LHFPL6: variants seen among roughly 807,000 people sequenced by gnomAD.
The protein encoded by LHFPL6 is LHFPL tetraspan subfamily member 6.
LHFPL6 carries 9 observed loss-of-function variants against 20.6 expected under a neutral mutation model. The ratio of observed to expected loss-of-function variants is 0.44; its 90% CI spans 0.26 to 0.76. The LOEUF (loss-of-function observed/expected upper bound fraction) is 0.76, where lower values mean the gene tolerates loss of function less well. Among genes scored for constraint, LHFPL6 ranks in the 30% least tolerant of loss-of-function variants. The pLI, the probability that LHFPL6 is intolerant of heterozygous loss-of-function variation, is 0.20. For synonymous variants in LHFPL6, 105 were observed against 98.7 expected, an observed-to-expected ratio of 1.06 and a Z score of -0.38; for missense variants, 218 against 253.5, an observed-to-expected ratio of 0.86 and a Z score of 0.95.
chr13:39,419,620 T>C (rs1014290263), intron 2 of LHFPL6, among the ~76,000 whole-genome samples: 7 of 152,258 alleles, frequency 4.6e-5, no homozygotes, highest in African/African-American at 1.4e-4. Context: ...TTTAAGTTCA[T>C]GATTCTTTCT....
chr13:39,540,106 T>C (rs1870750080), intron 2 of LHFPL6, among the ~76,000 whole-genome samples: 1 of 152,136 alleles, frequency 6.6e-6, no homozygotes, highest in South Asian at 2.1e-4. Context: ...AGCCTATAAA[T>C]TCTTTGGAAC....
At chr13:39,418,824 T>G (rs1323936) in intron 2 of LHFPL6, among the ~76,000 whole-genome samples, 98,161 of 151,986 alleles carry the variant, frequency 0.65, 34,252 homozygotes, top group Non-Finnish European at 0.78. Flanking sequence ...ATGAAATTTC[T>G]GCTGTGACCA....
At chr13:39,500,445 G>A (rs1869254002) in intron 2 of LHFPL6, among the ~76,000 whole-genome samples, 1 of 151,964 alleles carries the variant, frequency 6.6e-6, no homozygotes, top group Non-Finnish European at 1.5e-5. Context: ...TAGAGATGAG[G>A]TCTCTCTATG....
At chr13:39,456,121 G>A (rs565437659) in intron 2 of LHFPL6, among the ~76,000 whole-genome samples, 1 of 152,318 alleles carries the variant, frequency 6.6e-6, no homozygotes, top group South Asian at 2.1e-4. Flanking sequence ...AACTTATTTG[G>A]ACTCACATCT....
intron 2 of LHFPL6, among the ~76,000 whole-genome samples, chr13:39,391,366 G>A (rs1454682979): frequency 1.2e-4 from 19 of 152,166 alleles, no homozygotes; most frequent in South Asian, 4.1e-4. Flanking sequence ...CCCCTTTGGC[G>A]TTGTGATCAT....
intron 2 of LHFPL6, among the ~76,000 whole-genome samples, chr13:39,556,375 C>T (rs1178575352): frequency 6.6e-6 from 1 of 152,032 alleles, no homozygotes; most frequent in African/African-American, 2.4e-5. Context: ...GTGACCAAAA[C>T]GCTGATAGAA....
chr13:39,587,752 A>G (rs767534743), intron 2 of LHFPL6, among the ~76,000 whole-genome samples: 1 of 152,068 alleles, frequency 6.6e-6, no homozygotes, highest in Non-Finnish European at 1.5e-5. Context: ...GCATCAACAG[A>G]AAACTATTGC....
chr13:39,562,567 C>CATATATAT (rs1566142155), intron 2 of LHFPL6, among the ~76,000 whole-genome samples: 4 of 96,672 alleles, frequency 4.1e-5, no homozygotes, highest in Non-Finnish European at 9.5e-5. Context: ...CATACATATA[C>CATATATAT]ACATACATAT....
intron 2 of LHFPL6, among the ~76,000 whole-genome samples, chr13:39,543,113 T>C (rs1870865041): frequency 6.6e-6 from 1 of 152,228 alleles, no homozygotes; most frequent in Non-Finnish European, 1.5e-5. Flanking sequence ...AACCATATGA[T>C]ATTTGTCCTT....
At chr13:39,441,800 A>G (rs1391606971) in intron 2 of LHFPL6, among the ~76,000 whole-genome samples, 3 of 149,564 alleles carry the variant, frequency 2.0e-5, no homozygotes, top group Non-Finnish European at 4.4e-5. Flanking sequence ...GCTGTAAGCC[A>G]CTACACTGCA....
intron 2 of LHFPL6, among the ~76,000 whole-genome samples, chr13:39,472,919 T>C (rs1463243308): frequency 6.6e-6 from 1 of 152,164 alleles, no homozygotes; most frequent in African/African-American, 2.4e-5. Context: ...CCCCCTTCTT[T>C]ATTAACAACA....
At position 39,343,663 on chromosome 13, in the gene LHFPL6, A is replaced by C. The variant is rs1869310943; in HGVS notation, c.*273T>G. ...TGTGTGTGTGTGTTGTACATTAACA[A>C]TACTCTGTGGAATAGAAACACCCGA... On this transcript the variant is annotated 3_prime_UTR_variant, in exon 4 of 4. Coordinates refer to ENST00000379589, the MANE Select transcript of LHFPL6 (RefSeq NM_005780.3). 2.8e-6 allele frequency: 1 copy of C among 360,176 alleles called. No individual in the cohort carries two copies. Among genetic ancestry groups the C allele is most frequent in the African/African-American group, 2.1e-5 (1 of 47,894 alleles). The allele number at this position is 360,176 out of a possible 1,614,324, so 22.3% of individuals were successfully genotyped here. A position where few individuals can be genotyped will look rare whatever the true frequency, so the allele number is the denominator to read the frequency against.
At chr13:39,500,909 C>T (rs1432301876) in intron 2 of LHFPL6, among the ~76,000 whole-genome samples, 3 of 152,130 alleles carry the variant, frequency 2.0e-5, no homozygotes, top group African/African-American at 7.2e-5. Context: ...GCATGAGAAT[C>T]ACCTGGAAAA....
chr13:39,509,967 T>A (rs1376105885), intron 2 of LHFPL6, among the ~76,000 whole-genome samples: 1 of 152,078 alleles, frequency 6.6e-6, no homozygotes, highest in Non-Finnish European at 1.5e-5. Flanking sequence ...ATACTACAAC[T>A]GGCATGAACC....
chr13:39,477,715 A>T (rs1873119135), intron 2 of LHFPL6, among the ~76,000 whole-genome samples: 1 of 152,210 alleles, frequency 6.6e-6, no homozygotes, highest in African/African-American at 2.4e-5. Flanking sequence ...TTGCCAGTGA[A>T]TAACCTGTAT....
chr13:39,384,787 A>G, intron 2 of LHFPL6, among the ~76,000 whole-genome samples: 1 of 152,194 alleles, frequency 6.6e-6, no homozygotes, highest in South Asian at 2.1e-4. Flanking sequence ...TAGATTTCTA[A>G]ACCCTGTGGT....
intron 2 of LHFPL6, among the ~76,000 whole-genome samples, chr13:39,518,000 T>G (rs1869981154): frequency 6.6e-6 from 1 of 152,246 alleles, no homozygotes. Flanking sequence ...AGCTACTGGC[T>G]GGGATTCCAA....
chr13:39,363,627 CT>C (rs1450498912), intron 3 of LHFPL6, among the ~76,000 whole-genome samples: 1 of 152,166 alleles, frequency 6.6e-6, no homozygotes, highest in Non-Finnish European at 1.5e-5. Context: ...ACCGACAGGG[CT>C]TTCCCATGTC....
At chr13:39,473,604 G>C (rs1873004901) in intron 2 of LHFPL6, among the ~76,000 whole-genome samples, 1 of 151,774 alleles carries the variant, frequency 6.6e-6, no homozygotes. Flanking sequence ...TTACATAATT[G>C]AGCACACTCA....
Sources: gnomAD v4.1 joint callset for allele counts (sites outside exome capture counted in the v4.1 genomes callset) on GRCh38, gnomAD v4.1.1 for gene constraint, MANE v1.5 for transcripts, NCBI Gene and HGNC (gene_info 2026-07-23, HGNC 2026-07-21) for gene names.